MTUS2: variants seen among roughly 807,000 people sequenced by gnomAD.
The protein encoded by MTUS2 is microtubule associated scaffold protein 2.
In MTUS2, 40 loss-of-function variants were observed where a neutral mutation model predicts 114.1. The ratio of observed to expected loss-of-function variants is 0.35; its 90% confidence interval spans 0.27 to 0.46. The LOEUF (loss-of-function observed/expected upper bound fraction) is 0.46, where lower values mean the gene tolerates loss of function less well. MTUS2 is among the 20% of genes least tolerant of loss of function. The pLI is 1.00. For synonymous variants in MTUS2, 688 were observed against 672.0 expected (o/e 1.02, Z -0.37); for missense variants, 1,679 against 1,705.4 (o/e 0.98, Z 0.27).
intron 5 of MTUS2, among the ~76,000 whole-genome samples, chr13:29,237,178 C>T (rs576244129): frequency 3.1e-4 from 47 of 152,108 alleles, no homozygotes; most frequent in Non-Finnish European, 5.0e-4. Flanking sequence ...TAAAAGGGTT[C>T]TTTAACATTT....
At chr13:29,197,913 G>A (rs1434092656) in intron 5 of MTUS2, among the ~76,000 whole-genome samples, 2 of 152,092 alleles carry the variant, frequency 1.3e-5, no homozygotes, top group African/African-American at 2.4e-5. Flanking sequence ...TTTGTTTCTT[G>A]TAAATTTGTT....
chr13:29,193,648 C>T (rs1894541102), intron 5 of MTUS2, among the ~76,000 whole-genome samples: 1 of 152,066 alleles, frequency 6.6e-6, no homozygotes, highest in East Asian at 1.9e-4. Context: ...GAATCAATAT[C>T]GTGAAAATGG....
chr13:29,181,798 G>C (rs1487724480), intron 5 of MTUS2, among the ~76,000 whole-genome samples: 1 of 151,414 alleles, frequency 6.6e-6, no homozygotes, highest in African/African-American at 2.4e-5. Flanking sequence ...CTGTGTGTGT[G>C]TGTGTGTGTG....
intron 2 of MTUS2, among the ~76,000 whole-genome samples, chr13:28,954,005 G>C (rs1446775337): frequency 2.6e-5 from 4 of 152,312 alleles, no homozygotes; most frequent in African/African-American, 9.6e-5. Flanking sequence ...CAATGGAACA[G>C]AATGGAGACT....
intron 7 of MTUS2, among the ~76,000 whole-genome samples, chr13:29,325,004 A>G (rs1900421114): frequency 6.6e-6 from 1 of 152,278 alleles, no homozygotes; most frequent in Non-Finnish European, 1.5e-5. Flanking sequence ...AAAACACTTT[A>G]AAGATCTAAC....
intron 5 of MTUS2, among the ~76,000 whole-genome samples, chr13:29,245,224 A>G (rs1896877353): frequency 6.6e-6 from 1 of 152,142 alleles, no homozygotes; most frequent in African/African-American, 2.4e-5. Context: ...GAATTTTACC[A>G]GAAGGTGGTA....
chr13:29,223,546 C>A (rs1895989238), intron 5 of MTUS2, among the ~76,000 whole-genome samples: 1 of 152,184 alleles, frequency 6.6e-6, no homozygotes, highest in African/African-American at 2.4e-5. Context: ...AGTAGCTACC[C>A]ACTGCAAGTC....
chr13:28,897,275 G>A (rs1879334349), intron 2 of MTUS2, among the ~76,000 whole-genome samples: 1 of 152,150 alleles, frequency 6.6e-6, no homozygotes, highest in South Asian at 2.1e-4. Context: ...AGACATTTAT[G>A]CAGCCAAAAA....
At chr13:29,049,721 T>C (rs1286666326) in intron 4 of MTUS2, among the ~76,000 whole-genome samples, 1 of 152,212 alleles carries the variant, frequency 6.6e-6, no homozygotes, top group East Asian at 1.9e-4. Flanking sequence ...GTTAGAGCAA[T>C]GGGGCCGAGT....
chr13:29,097,787 A>T (rs1890241006), intron 4 of MTUS2, among the ~76,000 whole-genome samples: 1 of 152,162 alleles, frequency 6.6e-6, no homozygotes. Flanking sequence ...CTCCATTCTT[A>T]TAACCTAATT....
At chr13:29,390,756 GTGATGATGA>G (rs71090251) in intron 8 of MTUS2, among the ~76,000 whole-genome samples, 66 of 146,692 alleles carry the variant, frequency 4.5e-4, no homozygotes, top group Middle Eastern at 3.4e-3. Flanking sequence ...CCACCAAATG[GTGATGATGA>G]TGATGATGAT....
chr13:28,857,178 A>G (rs558632256), intron 2 of MTUS2, among the ~76,000 whole-genome samples: 1 of 152,388 alleles, frequency 6.6e-6, no homozygotes, highest in South Asian at 2.1e-4. Flanking sequence ...TCTCGAGTAT[A>G]GAATGGGTGG....
At chr13:28,982,367 C>T (rs1033035064) in intron 2 of MTUS2, among the ~76,000 whole-genome samples, 1 of 151,568 alleles carries the variant, frequency 6.6e-6, no homozygotes, top group Non-Finnish European at 1.5e-5. Flanking sequence ...AAGAAAATAG[C>T]AAGTGTTGAT....
intron 8 of MTUS2, among the ~76,000 whole-genome samples, chr13:29,368,173 C>T (rs1307058132): frequency 1.3e-5 from 2 of 151,794 alleles, no homozygotes; most frequent in African/African-American, 4.8e-5. Flanking sequence ...CTCCTGACCT[C>T]GTGATCTGCC....
intron 4 of MTUS2, among the ~76,000 whole-genome samples, chr13:29,084,784 C>T (rs913165368): frequency 9.1e-6 from 1 of 110,346 alleles, no homozygotes; most frequent in African/African-American, 3.9e-5. Context: ...GTGATCCACC[C>T]CCCCCCCTCA....
rs1202035982 is a variant in MTUS2 at position 29,440,029 on chromosome 13, C to A, written c.3164C>A (p.Ala1055Glu). 4 of 1,588,036 alleles carry A rather than the reference C, an allele frequency of 2.5e-6. No homozygotes were observed. The highest frequency in any genetic ancestry group is 1.2e-5 in the South Asian group (1 of 86,818). Residue 1055 changes from alanine to glutamate, a missense_variant, in exon 9 of 16, where the codon GCA (alanine) becomes GAA (glutamate). Transcript: ENST00000612955. ...VKEKELSIEL[A>E]NIRDEVAFHT... Reference sequence around the variant, plus strand: ...GAAAAAGAGCTGTCAATCGAACTTGCAAACATCAGGGATGAAGTTGGTAAG... The same window carrying A: ...GAAAAAGAGCTGTCAATCGAACTTGAAAACATCAGGGATGAAGTTGGTAAG...
intron 2 of MTUS2, among the ~76,000 whole-genome samples, chr13:29,003,196 GC>G (rs151251205): frequency 0.013 from 1,938 of 152,318 alleles, 39 homozygotes; most frequent in African/African-American, 0.044. Flanking sequence ...CTTACTGTGT[GC>G]CTAACACTTC....
At chr13:28,821,856 A>AT (rs1873925281) in intron 1 of MTUS2, among the ~76,000 whole-genome samples, 1 of 152,210 alleles carries the variant, frequency 6.6e-6, no homozygotes, top group Middle Eastern at 3.2e-3. Context: ...ACATCAGAGA[A>AT]TTACAGCATG....
chr13:29,044,866 T>G (rs1887543270), intron 4 of MTUS2, among the ~76,000 whole-genome samples: 1 of 152,114 alleles, frequency 6.6e-6, no homozygotes, highest in Non-Finnish European at 1.5e-5. Context: ...TTAAAGTCAT[T>G]TAGGTTGTTG....
Sources: allele counts gnomAD v4.1 joint callset (sites outside exome capture counted in the v4.1 genomes callset), GRCh38; gene constraint gnomAD v4.1.1; transcripts MANE v1.5; gene names NCBI Gene and HGNC (gene_info 2026-07-23, HGNC 2026-07-21).